PCDHA6: variants seen among roughly 807,000 people sequenced by gnomAD.
The protein encoded by PCDHA6 is protocadherin alpha 6.
A neutral mutation model predicts 60.3 loss-of-function variants in PCDHA6; 55 were observed. The observed-to-expected ratio is 0.91, with a 90% CI of 0.73 to 1.14. The LOEUF is 1.14. Among genes scored for constraint, PCDHA6 ranks in the 50% most tolerant of loss-of-function variants. The probability of loss-of-function intolerance (pLI) is 0.00; values close to 1 mark genes in which losing one functional copy is unlikely to be tolerated. For synonymous variants in PCDHA6, 652 were observed against 557.9 expected, an observed-to-expected ratio of 1.17 and a Z score of -2.38; for missense variants, 1,327 against 1,256.5, an observed-to-expected ratio of 1.06 and a Z score of -0.85.
At chr5:140,877,205 GCGAGTTGGTACCGCGGT>G in intron 1 of PCDHA6, 1 of 1,613,826 alleles carries the variant, frequency 6.2e-7, no homozygotes, top group Non-Finnish European at 8.5e-7. Flanking sequence ...GGCGCAGTTA[GCGAGTTGGTACCGCGGT>G]CGGTGGGTGC....
At chr5:140,978,246 C>G (rs1243560833) in intron 1 of PCDHA6, among the ~76,000 whole-genome samples, 1 of 152,148 alleles carries the variant, frequency 6.6e-6, no homozygotes, top group Admixed American at 6.5e-5. Context: ...TCAGCTACTC[C>G]CTGTTAAACA....
intron 1 of PCDHA6, chr5:140,882,780 G>T: frequency 1.2e-6 from 2 of 1,614,160 alleles, no homozygotes; most frequent in Non-Finnish European, 1.7e-6. Context: ...TTGACCTACC[G>T]ACTGGATCCC....
At chr5:140,883,240 C>G in intron 1 of PCDHA6, 1 of 1,613,998 alleles carries the variant, frequency 6.2e-7, no homozygotes, top group Non-Finnish European at 8.5e-7. Context: ...AGGCAGTTGA[C>G]AAAGGAAATA....
chr5:140,858,291 A>C (rs782112368), intron 1 of PCDHA6: 1 of 1,597,182 alleles, frequency 6.3e-7, no homozygotes, highest in South Asian at 1.1e-5. Flanking sequence ...AGCTGGTCTT[A>C]CTCGCAGCAG....
chr5:140,908,399 C>T (rs180728730), intron 1 of PCDHA6, among the ~76,000 whole-genome samples: 51 of 152,258 alleles, frequency 3.3e-4, no homozygotes, highest in African/African-American at 9.9e-4. Flanking sequence ...ACATATATAC[C>T]ACTTCCATTT....
At chr5:140,929,768 C>T (rs534287991) in intron 1 of PCDHA6, 1 of 175,482 alleles carries the variant, frequency 5.7e-6, no homozygotes, top group South Asian at 2.0e-4. Context: ...ACGATAACCA[C>T]AAAAGATGTA....
At chr5:140,975,313 T>C (rs2096662091) in intron 1 of PCDHA6, among the ~76,000 whole-genome samples, 1 of 152,224 alleles carries the variant, frequency 6.6e-6, no homozygotes, top group African/African-American at 2.4e-5. Flanking sequence ...TGTGATTATG[T>C]CAGTCCCATC....
At chr5:141,007,030 A>G (rs1554261014) in intron 3 of PCDHA6, among the ~76,000 whole-genome samples, 1 of 152,186 alleles carries the variant, frequency 6.6e-6, no homozygotes, top group African/African-American at 2.4e-5. Flanking sequence ...TATGGTATTT[A>G]TATCTATGGA....
chr5:140,967,471 A>G (rs2096144842), intron 1 of PCDHA6: 3 of 1,613,466 alleles, frequency 1.9e-6, no homozygotes, highest in Middle Eastern at 1.7e-4. Context: ...GGGGCATCCC[A>G]GCCCGCTCGG....
chr5:140,957,555 A>G (rs911734380), intron 1 of PCDHA6, among the ~76,000 whole-genome samples: 4 of 152,120 alleles, frequency 2.6e-5, no homozygotes, highest in Admixed American at 2.6e-4. Flanking sequence ...TTCTCTGTGG[A>G]AAAGGAGGGA....
At chr5:140,874,212 T>C (rs1199574859) in intron 1 of PCDHA6, among the ~76,000 whole-genome samples, 1 of 152,252 alleles carries the variant, frequency 6.6e-6, no homozygotes, top group Non-Finnish European at 1.5e-5. Context: ...TTTATTATTA[T>C]ATGCAGTAGG....
At chr5:140,834,812 G>A in intron 1 of PCDHA6, 1 of 1,612,600 alleles carries the variant, frequency 6.2e-7, no homozygotes, top group African/African-American at 1.3e-5. Flanking sequence ...TGTTCATCGC[G>A]GAATCCAGGC....
intron 1 of PCDHA6, among the ~76,000 whole-genome samples, chr5:140,953,275 C>G (rs1290645865): frequency 6.6e-6 from 1 of 152,074 alleles, no homozygotes; most frequent in African/African-American, 2.4e-5. Context: ...AGCCTTTGCT[C>G]TTTATATGTG....
intron 1 of PCDHA6, chr5:140,835,448 G>C: frequency 1.9e-6 from 3 of 1,613,886 alleles, no homozygotes; most frequent in African/African-American, 1.3e-5. Flanking sequence ...TCACTTCCCT[G>C]TCTCTCCCTA....
chr5:140,986,358 A>C (rs1440671712), intron 3 of PCDHA6, among the ~76,000 whole-genome samples: 1 of 152,116 alleles, frequency 6.6e-6, no homozygotes, highest in African/African-American at 2.4e-5. Context: ...CTTCAGATGG[A>C]GGAATGCGTT....
At position 140,829,585 on chromosome 5, in the gene PCDHA6, G is replaced by A. The variant is rs2150170592; in HGVS notation, c.1494G>A (p.Arg498=). The change falls in exon 1 of 4, where the codon CGG becomes CGA. Residue 498 remains arginine, a synonymous_variant. Transcript: ENST00000529310. ...TGTCCTACTCGCTGGTGGAGCGGCG[G>A]GTGGGCGAGCGCGCGTTGTCGAGCT... The part of the protein sequence containing the change: ...ALVSYSLVER[R]VGERALSSYI... 3.9e-3 allele frequency: 6,235 copies of A among 1,612,244 alleles called. 24 individuals are homozygous for A. The highest frequency in any genetic ancestry group is 4.7e-3 in the Non-Finnish European group (5,594 of 1,179,798).
chr5:140,874,304 A>G (rs559038069), intron 1 of PCDHA6, among the ~76,000 whole-genome samples: 1 of 152,234 alleles, frequency 6.6e-6, no homozygotes, highest in African/African-American at 2.4e-5. Flanking sequence ...ACTTGTTCAC[A>G]ATGAGTTGTA....
chr5:140,842,399 C>A, intron 1 of PCDHA6: 1 of 1,611,446 alleles, frequency 6.2e-7, no homozygotes, highest in Non-Finnish European at 8.5e-7. Flanking sequence ...CTTGCCTGTA[C>A]GTGAAGACGC....
intron 1 of PCDHA6, chr5:140,864,553 T>C (rs575186227): frequency 3.0e-4 from 45 of 152,314 alleles, no homozygotes; most frequent in African/African-American, 1.1e-3. Context: ...TTCTTATAAT[T>C]TCATTTTAGG....
Sources: allele counts gnomAD v4.1 joint callset (sites outside exome capture counted in the v4.1 genomes callset), GRCh38; gene constraint gnomAD v4.1.1; transcripts MANE v1.5; gene names NCBI Gene and HGNC (gene_info 2026-07-23, HGNC 2026-07-21).